The following RRN3 variants were observed in gnomAD, a reference collection of about 807,000 sequenced individuals.
The protein encoded by RRN3 is RNA polymerase I-specific transcription initiation factor RRN3.
RRN3 carries 38 observed loss-of-function variants against 82.3 expected under a neutral mutation model. The ratio of observed to expected loss-of-function variants is 0.46; its 90% CI spans 0.36 to 0.61. The LOEUF is 0.61. RRN3 is among the 20% of genes least tolerant of loss of function. The pLI is 0.00. For missense variants in RRN3, 726 were observed against 793.1 expected (o/e 0.92, Z 1.02); for synonymous variants, 284 against 284.3 (o/e 1.00, Z 0.01).
chr16:15,069,422 C>T (rs1354635406), intron 14 of RRN3, among the ~76,000 whole-genome samples: 2 of 152,196 alleles, frequency 1.3e-5, no homozygotes, highest in African/African-American at 2.4e-5. Flanking sequence ...TTTACAATGA[C>T]TTATAAACAC....
At chr16:15,083,154 A>G (rs1434476999) in intron 8 of RRN3, among the ~76,000 whole-genome samples, 3 of 152,222 alleles carry the variant, frequency 2.0e-5, no homozygotes, top group Non-Finnish European at 4.4e-5. Flanking sequence ...TAATCCCAGC[A>G]CTTTGGGAGG....
chr16:15,076,117 T>C (rs768627412), intron 10 of RRN3, among the ~76,000 whole-genome samples: 8 of 152,172 alleles, frequency 5.3e-5, no homozygotes, highest in Non-Finnish European at 1.0e-4. Flanking sequence ...TGCCCTCTTC[T>C]GCTCCCTGAC....
chr16:15,067,729 G>A (rs1206274590), intron 15 of RRN3, among the ~76,000 whole-genome samples: 1 of 151,986 alleles, frequency 6.6e-6, no homozygotes, highest in African/African-American at 2.4e-5. Flanking sequence ...AACAATAGCT[G>A]TATCACAGTA....
At chr16:15,091,762 A>G (rs1253901503) in intron 2 of RRN3, among the ~76,000 whole-genome samples, 1 of 152,224 alleles carries the variant, frequency 6.6e-6, no homozygotes, top group Non-Finnish European at 1.5e-5. Context: ...TGGTTACTTA[A>G]CATTTTCCCT....
chr16:15,076,981 T>TC lies in RRN3; in HGVS notation c.766-332_766-331insG, dbSNP rs1390405641. On this transcript the variant is annotated intron_variant, in intron 9 of 17. Transcript: ENST00000198767. ...GGCTCTGTGTCCCCACCCAAATCAC[T>TC]TTTTTTTTTTTTTTTGAGGCAGAGT... Among the ~76,000 whole-genome samples the TC allele has an allele frequency of 2.6e-3, 57 of 22,312 alleles. 1 individual carries two copies. Among genetic ancestry groups the TC allele is most frequent in the Non-Finnish European group, 8.4e-3 (38 of 4,514 alleles). 14.6% of individuals were successfully genotyped at this position (22,312 alleles called of 152,430 possible).
chr16:15,089,604 T>A (rs75793119), intron 3 of RRN3, among the ~76,000 whole-genome samples: 1 of 148,766 alleles, frequency 6.7e-6, no homozygotes, highest in Non-Finnish European at 1.5e-5. Context: ...ATCGAGACCA[T>A]CCTGGCTAAC....
intron 8 of RRN3, among the ~76,000 whole-genome samples, chr16:15,082,139 G>T (rs1181756124): frequency 2.2e-4 from 33 of 152,184 alleles, no homozygotes; most frequent in Non-Finnish European, 1.0e-4. Flanking sequence ...AGCAGCAAGA[G>T]CGGACATCCT....
intron 10 of RRN3, among the ~76,000 whole-genome samples, 157 bp from the exon 11 acceptor site, chr16:15,075,018 G>A (rs1199837020): frequency 6.6e-6 from 1 of 152,176 alleles, no homozygotes; most frequent in Non-Finnish European, 1.5e-5. Context: ...GGGAAGCAGA[G>A]GTGGGGGGAT....
At chr16:15,069,106 A>G (rs1467062182) in intron 14 of RRN3, among the ~76,000 whole-genome samples, 3 of 152,178 alleles carry the variant, frequency 2.0e-5, no homozygotes, top group African/African-American at 7.2e-5. Flanking sequence ...AGGTAAACAT[A>G]TATAATGCAA....
At position 15,079,986 on chromosome 16, in the gene RRN3, C is replaced by G. The variant is rs767678833; in HGVS notation, c.765+12G>C. Reference sequence around the variant, plus strand: ...AGTAAATGAAAATAAAAATAGATTACTCAATACTTACATCCAACTTGAGTA... The same window carrying G: ...AGTAAATGAAAATAAAAATAGATTAGTCAATACTTACATCCAACTTGAGTA... On this transcript the variant is annotated intron_variant, in intron 9 of 17. Transcript: ENST00000198767. 6.3e-7 allele frequency: 1 copy of G among 1,580,478 alleles called. No homozygotes were observed. The highest frequency in any genetic ancestry group is 8.6e-7 in the Non-Finnish European group (1 of 1,162,626).
At chr16:15,076,683 G>A (rs762303545) in intron 9 of RRN3, 33 bp from the exon 10 acceptor site, 3 of 1,442,348 alleles carry the variant, frequency 2.1e-6, no homozygotes, top group Non-Finnish European at 2.9e-6. Flanking sequence ...AAGAATAAAA[G>A]GATTTAAAAA....
chr16:15,092,833 T>C (rs1171890116), intron 1 of RRN3, among the ~76,000 whole-genome samples: 1 of 152,158 alleles, frequency 6.6e-6, no homozygotes, highest in African/African-American at 2.4e-5. Context: ...CTCAGTGTGG[T>C]CTTTAAGATC....
At chr16:15,075,250 CAA>C (rs56913254) in intron 10 of RRN3, among the ~76,000 whole-genome samples, 19 of 68,008 alleles carry the variant, frequency 2.8e-4, no homozygotes, top group Non-Finnish European at 1.8e-4. Flanking sequence ...TGTGCCCCAC[CAA>C]AAAAAAAAAA....
At position 15,086,201 on chromosome 16, in the gene RRN3, C is replaced by G; in HGVS notation, c.400G>C (p.Gly134Arg). Reference protein sequence around the residue: ...TVVEEYLAFLGNLVSAQTVFL... With the variant: ...TVVEEYLAFLRNLVSAQTVFL... ...ACAGTCTGTGCTGATACAAGATTACCAAGAAAAGCCAAATACTCTTCCACT... is the reference window on the plus strand; with the variant it reads ...ACAGTCTGTGCTGATACAAGATTACGAAGAAAAGCCAAATACTCTTCCACT... The change falls in exon 5 of 18, where the codon GGT (glycine) becomes CGT (arginine). Residue 134 changes from glycine to arginine, a missense_variant. Around this residue, in one of 4 missense-constraint regions of RRN3, gnomAD observed 344 missense variants for 394.5 expected, o/e 0.87. Transcript: ENST00000198767. 1.3e-6 allele frequency: 2 copies of G among 1,587,806 alleles called. No individual in the cohort carries two copies. The highest frequency in any genetic ancestry group is 1.7e-6 in the Non-Finnish European group (2 of 1,161,130).
At chr16:15,067,792 C>A (rs1488076160) in intron 15 of RRN3, among the ~76,000 whole-genome samples, 3 of 152,134 alleles carry the variant, frequency 2.0e-5, no homozygotes, top group Admixed American at 2.0e-4. Context: ...GGGTCTCATT[C>A]TGGAGCCCAG....
chr16:15,089,668 C>T (rs1022178696), intron 3 of RRN3, among the ~76,000 whole-genome samples: 3 of 148,928 alleles, frequency 2.0e-5, no homozygotes, highest in Non-Finnish European at 3.0e-5. Flanking sequence ...GCGGTGGTGG[C>T]GGGCGAGTGT....
chr16:15,089,830 G>C (rs932184037), intron 3 of RRN3, among the ~76,000 whole-genome samples: 1 of 148,082 alleles, frequency 6.8e-6, no homozygotes, highest in Non-Finnish European at 1.5e-5. Context: ...AGGATCAGGA[G>C]ACAGGAGGAT....
chr16:15,082,068 G>A (rs1314139905), intron 8 of RRN3, among the ~76,000 whole-genome samples: 1 of 152,156 alleles, frequency 6.6e-6, no homozygotes, highest in Non-Finnish European at 1.5e-5. Flanking sequence ...GAGAGTTTAC[G>A]CCTTCCTTTC....
At chr16:15,076,096 T>C (rs746793680) in intron 10 of RRN3, among the ~76,000 whole-genome samples, 2 of 152,038 alleles carry the variant, frequency 1.3e-5, no homozygotes, top group African/African-American at 4.8e-5. Context: ...CCGGCCCCCG[T>C]TTAGCTCCCC....
Sources: allele counts gnomAD v4.1 joint callset (sites outside exome capture counted in the v4.1 genomes callset), GRCh38; gene constraint gnomAD v4.1.1; regional missense constraint gnomAD v4.1.1; transcripts MANE v1.5; gene names NCBI Gene and HGNC (gene_info 2026-07-23, HGNC 2026-07-21).